Variants in CACNA2D3 observed in about 807,000 individuals in gnomAD.
The protein encoded by CACNA2D3 is calcium voltage-gated channel auxiliary subunit alpha2delta 3, also known as voltage-dependent calcium channel subunit alpha-2/delta-3.
In CACNA2D3, 60 loss-of-function variants were observed where a neutral mutation model predicts 160.6. That is an observed-to-expected ratio of 0.37 (90% confidence interval 0.30 to 0.46). The LOEUF (loss-of-function observed/expected upper bound fraction) is 0.46, where lower values mean the gene tolerates loss of function less well. Among genes scored for constraint, CACNA2D3 ranks in the 20% least tolerant of loss-of-function variants. CACNA2D3 has a pLI of 1.00. For synonymous variants in CACNA2D3, 558 were observed against 492.9 expected, an observed-to-expected ratio of 1.13 and a Z score of -1.75; for missense variants, 1,205 against 1,365.0, an observed-to-expected ratio of 0.88 and a Z score of 1.85.
At chr3:54,349,972 C>G (rs1028211548) in intron 3 of CACNA2D3, among the ~76,000 whole-genome samples, 7 of 152,214 alleles carry the variant, frequency 4.6e-5, no homozygotes, top group African/African-American at 1.7e-4. Flanking sequence ...AGACTTTGGT[C>G]ATGCATTTGT....
chr3:54,995,283 T>G (rs1029516480), intron 31 of CACNA2D3, among the ~76,000 whole-genome samples: 17 of 152,168 alleles, frequency 1.1e-4, no homozygotes, highest in Non-Finnish European at 1.9e-4. Flanking sequence ...CAAAGAAAGT[T>G]TTTTAATCAA....
intron 9 of CACNA2D3, among the ~76,000 whole-genome samples, chr3:54,602,818 T>G (rs967008009): frequency 2.0e-5 from 3 of 152,190 alleles, no homozygotes; most frequent in Admixed American, 2.0e-4. Context: ...GCATTCAATT[T>G]GTTTCCACTT....
chr3:54,524,355 C>G (rs1207844923), intron 5 of CACNA2D3, among the ~76,000 whole-genome samples: 1 of 152,044 alleles, frequency 6.6e-6, no homozygotes, highest in Non-Finnish European at 1.5e-5. Flanking sequence ...GCATTGTGGT[C>G]AGAACATACA....
At chr3:54,605,487 A>G (rs1227590292) in intron 9 of CACNA2D3, among the ~76,000 whole-genome samples, 1 of 152,132 alleles carries the variant, frequency 6.6e-6, no homozygotes, top group Non-Finnish European at 1.5e-5. Flanking sequence ...ACTTGCCTCG[A>G]ATGCTACCAC....
chr3:54,165,114 A>ACTTT (rs1700425576), intron 2 of CACNA2D3, among the ~76,000 whole-genome samples: 2 of 117,888 alleles, frequency 1.7e-5, no homozygotes, highest in African/African-American at 3.1e-5. Flanking sequence ...TCTGAATCTC[A>ACTTT]TTTTTTTTTT....
At chr3:54,372,240 C>G (rs1400361576) in intron 3 of CACNA2D3, among the ~76,000 whole-genome samples, 1 of 152,198 alleles carries the variant, frequency 6.6e-6, no homozygotes, top group Admixed American at 6.5e-5. Flanking sequence ...CGTGGAATTG[C>G]TGGTATTCAA....
chr3:54,522,993 T>A (rs1435194955), intron 5 of CACNA2D3, among the ~76,000 whole-genome samples: 2 of 151,216 alleles, frequency 1.3e-5, no homozygotes, highest in Admixed American at 1.3e-4. Flanking sequence ...TACCTATTGT[T>A]CTGGCTAGAA....
At chr3:54,254,112 G>A (rs1702249524) in intron 2 of CACNA2D3, among the ~76,000 whole-genome samples, 1 of 152,068 alleles carries the variant, frequency 6.6e-6, no homozygotes, top group African/African-American at 2.4e-5. Flanking sequence ...GTGTTGGATG[G>A]GCTCAAAAAT....
At chr3:54,562,704 C>A in intron 5 of CACNA2D3, 96 bp from the exon 6 acceptor site, 1 of 1,058,290 alleles carries the variant, frequency 9.4e-7, no homozygotes, top group Non-Finnish European at 1.4e-6. Context: ...AGATGGAGTA[C>A]CTTGTGCCAG....
At chr3:54,905,974 A>G (rs1700440985) in intron 27 of CACNA2D3, among the ~76,000 whole-genome samples, 1 of 152,308 alleles carries the variant, frequency 6.6e-6, no homozygotes, top group African/African-American at 2.4e-5. Flanking sequence ...ACAGCTGTGA[A>G]CAAGTACCCC....
intron 4 of CACNA2D3, among the ~76,000 whole-genome samples, chr3:54,467,936 A>G (rs1425686871): frequency 6.6e-6 from 1 of 152,224 alleles, no homozygotes; most frequent in African/African-American, 2.4e-5. Flanking sequence ...AATTATGCTG[A>G]TTTTGTCATT....
intron 13 of CACNA2D3, among the ~76,000 whole-genome samples, chr3:54,800,003 T>C (rs138660764): frequency 6.6e-6 from 1 of 152,350 alleles, no homozygotes; most frequent in African/African-American, 2.4e-5. Context: ...TTACATGACA[T>C]GCATAAATTA....
chr3:54,529,726 A>T (rs534356505), intron 5 of CACNA2D3, among the ~76,000 whole-genome samples: 119 of 152,290 alleles, frequency 7.8e-4, no homozygotes, highest in Middle Eastern at 3.4e-3. Context: ...AGGAAAAAAA[A>T]TGGCCGTATT....
At chr3:54,633,919 C>T (rs897345191) in intron 10 of CACNA2D3, among the ~76,000 whole-genome samples, 1 of 152,116 alleles carries the variant, frequency 6.6e-6, no homozygotes, top group South Asian at 2.1e-4. Flanking sequence ...GAGATGACAT[C>T]GAGTGCTTTC....
At chr3:54,302,428 T>C (rs546128100) in intron 2 of CACNA2D3, among the ~76,000 whole-genome samples, 3 of 152,220 alleles carry the variant, frequency 2.0e-5, no homozygotes, top group African/African-American at 7.2e-5. Flanking sequence ...GTTTTTCAGG[T>C]GAATGAGTTA....
At chr3:55,068,138 A>T (rs1353239031) in intron 35 of CACNA2D3, among the ~76,000 whole-genome samples, 1 of 152,236 alleles carries the variant, frequency 6.6e-6, no homozygotes, top group East Asian at 1.9e-4. Context: ...AGCAGGCAGA[A>T]GGTGCCTGCA....
intron 11 of CACNA2D3, among the ~76,000 whole-genome samples, chr3:54,702,922 T>C (rs1415275851): frequency 6.6e-6 from 1 of 152,190 alleles, no homozygotes; most frequent in Non-Finnish European, 1.5e-5. Context: ...ATCACATCCT[T>C]TGCAGCAACA....
At chr3:54,860,196 G>T (rs1699261411) in intron 17 of CACNA2D3, among the ~76,000 whole-genome samples, 1 of 152,084 alleles carries the variant, frequency 6.6e-6, no homozygotes, top group African/African-American at 2.4e-5. Context: ...AAAGAGGAGA[G>T]AAGTCAGACC....
chr3:54,342,725 A>G (rs1407814261), intron 3 of CACNA2D3, among the ~76,000 whole-genome samples: 2 of 152,256 alleles, frequency 1.3e-5, no homozygotes, highest in Middle Eastern at 3.2e-3. Context: ...ACTGACATCA[A>G]TAACGAGAGT....
Sources: gnomAD v4.1 joint callset for allele counts (sites outside exome capture counted in the v4.1 genomes callset) on GRCh38, gnomAD v4.1.1 for gene constraint, MANE v1.5 for transcripts, NCBI Gene and HGNC (gene_info 2026-07-23, HGNC 2026-07-21) for gene names.